Variants in HTR7 observed in about 807,000 individuals in gnomAD.
HTR7 encodes the protein 5-hydroxytryptamine receptor 7.
A neutral mutation model predicts 34.0 loss-of-function variants in HTR7; 16 were observed. The ratio of observed to expected loss-of-function variants is 0.47; its 90% CI spans 0.32 to 0.71. HTR7 has a LOEUF of 0.71. Ranked by LOEUF, HTR7 falls within the 30% of genes least tolerant of loss-of-function variation. The pLI is 0.04. For synonymous variants in HTR7, 265 were observed against 260.2 expected, an observed-to-expected ratio of 1.02 and a Z score of -0.18; for missense variants, 504 against 625.5, an observed-to-expected ratio of 0.81 and a Z score of 2.07.
intron 1 of HTR7, among the ~76,000 whole-genome samples, chr10:90,856,055 T>C (rs1236485984): frequency 6.6e-6 from 1 of 152,144 alleles, no homozygotes; most frequent in Non-Finnish European, 1.5e-5. Flanking sequence ...TTTGAGGCAC[T>C]GTCATTTTAA....
chr10:90,743,580 C>T lies in HTR7; in HGVS notation c.1393+13G>A. ...AGCACTATCTCCAAAGTCTCCCTTT[C>T]CTTGCTACCCACCTGCTAACCAATT... On this transcript the variant is annotated intron_variant, in intron 3 of 3. Transcript: ENST00000336152. 6.2e-7 allele frequency: 1 copy of T among 1,603,288 alleles called. No individual in the cohort carries two copies. Among genetic ancestry groups the T allele is most frequent in the Non-Finnish European group, 8.5e-7 (1 of 1,170,214 alleles).
intron 1 of HTR7, among the ~76,000 whole-genome samples, chr10:90,798,156 G>T (rs1294683766): frequency 1.3e-5 from 2 of 152,080 alleles, no homozygotes; most frequent in Non-Finnish European, 2.9e-5. Context: ...TTTAAAGAAG[G>T]CTAAAAAAAT....
chr10:90,760,788 G>A (rs1266810990), intron 1 of HTR7, among the ~76,000 whole-genome samples: 2 of 152,124 alleles, frequency 1.3e-5, no homozygotes, highest in African/African-American at 4.8e-5. Context: ...GGCTGAGGAG[G>A]GAGAATTGCT....
Position 90,743,657 on chromosome 10 carries a change from T to C in HTR7, c.1329A>G (p.Pro443=), listed in dbSNP as rs1268079443. The change falls in exon 3 of 4, where the codon CCA becomes CCG. Residue 443 remains proline, a synonymous_variant. Coordinates refer to ENST00000336152, the MANE Select transcript of HTR7 (RefSeq NM_019859.4). ...ACACAGATACCGGTGGCCTCTTTTC[T>C]GGTCTCAACAGCACCCTCCTTGTGC... The part of the protein sequence containing the change: ...RACTRRVLLR[P]EKRPPVSVWV... 2.5e-6 allele frequency: 4 copies of C among 1,613,894 alleles called. No individual in the cohort carries two copies. Among genetic ancestry groups the C allele is most frequent in the Non-Finnish European group, 3.4e-6 (4 of 1,179,892 alleles).
chr10:90,747,156 C>T (rs1382267452), intron 2 of HTR7, among the ~76,000 whole-genome samples: 1 of 152,076 alleles, frequency 6.6e-6, no homozygotes, highest in Non-Finnish European at 1.5e-5. Flanking sequence ...AGTGGGGATG[C>T]TAGAAGCACC....
At chr10:90,852,202 T>TAAAAAAAAAAAAAAAAA (rs60371298) in intron 1 of HTR7, among the ~76,000 whole-genome samples, 1 of 135,252 alleles carries the variant, frequency 7.4e-6, no homozygotes, top group African/African-American at 2.8e-5. Flanking sequence ...TTATGTGAAG[T>TAAAAAAAAAAAAAAAAA]AAAAAAAAAA....
intron 1 of HTR7, among the ~76,000 whole-genome samples, chr10:90,751,698 A>C (rs1844741014): frequency 6.6e-6 from 1 of 152,196 alleles, no homozygotes; most frequent in South Asian, 2.1e-4. Flanking sequence ...AATTATGACA[A>C]AAAAGGTTGT....
chr10:90,744,751 A>T (rs944650519), intron 2 of HTR7, among the ~76,000 whole-genome samples: 6 of 152,184 alleles, frequency 3.9e-5, no homozygotes, highest in African/African-American at 1.4e-4. Flanking sequence ...ATTACTCCTG[A>T]TTAAGAACCA....
chr10:90,771,275 G>A (rs35956066), intron 1 of HTR7, among the ~76,000 whole-genome samples: 31,467 of 152,152 alleles, frequency 0.21, 3,917 homozygotes, highest in African/African-American at 0.34. Flanking sequence ...GCTCCTCTTC[G>A]TCTTGCTCAC....
At chr10:90,803,670 G>A (rs538253377) in intron 1 of HTR7, among the ~76,000 whole-genome samples, 3 of 152,188 alleles carry the variant, frequency 2.0e-5, no homozygotes, top group Non-Finnish European at 4.4e-5. Flanking sequence ...ATGGTTGCCT[G>A]ACATTCCTGG....
intron 1 of HTR7, among the ~76,000 whole-genome samples, chr10:90,767,257 G>A (rs1845039662): frequency 6.6e-6 from 1 of 152,110 alleles, no homozygotes. Context: ...GGGGCCTAGG[G>A]GTAAACCCTA....
chr10:90,840,948 T>C (rs542763642), intron 1 of HTR7, among the ~76,000 whole-genome samples: 51 of 152,360 alleles, frequency 3.3e-4, no homozygotes, highest in South Asian at 1.0e-3. Flanking sequence ...AACTTGTTCA[T>C]CCTTATCCCC....
chr10:90,823,677 T>A (rs903556881), intron 1 of HTR7, among the ~76,000 whole-genome samples: 4 of 152,186 alleles, frequency 2.6e-5, no homozygotes, highest in East Asian at 1.9e-4. Flanking sequence ...AGCAGAATGA[T>A]AGAGTTTGGC....
intron 1 of HTR7, among the ~76,000 whole-genome samples, chr10:90,767,913 A>G (rs1183755028): frequency 3.6e-4 from 55 of 152,076 alleles, no homozygotes; most frequent in Non-Finnish European, 5.9e-5. Flanking sequence ...CCCAGCCAAG[A>G]CTTCCCCTTG....
intron 1 of HTR7, among the ~76,000 whole-genome samples, chr10:90,810,496 C>T (rs1845788859): frequency 7.0e-6 from 1 of 142,400 alleles, no homozygotes; most frequent in Non-Finnish European, 1.5e-5. Context: ...AGCCTATAAA[C>T]TCTCCTTACA....
intron 1 of HTR7, among the ~76,000 whole-genome samples, chr10:90,827,689 T>C (rs1846099622): frequency 1.3e-5 from 2 of 152,168 alleles, no homozygotes. Context: ...ATAACAATTG[T>C]AAATACATAT....
chr10:90,827,165 C>A (rs1399441757), intron 1 of HTR7, among the ~76,000 whole-genome samples: 1 of 151,830 alleles, frequency 6.6e-6, no homozygotes, highest in Admixed American at 6.6e-5. Context: ...CACAAAACAA[C>A]CAGAAAATAA....
chr10:90,830,003 T>G (rs188030257), intron 1 of HTR7, among the ~76,000 whole-genome samples: 1 of 152,350 alleles, frequency 6.6e-6, no homozygotes, highest in East Asian at 1.9e-4. Context: ...AATGTCCATA[T>G]TAACCAAAGA....
At chr10:90,808,581 T>C (rs1761048567) in intron 1 of HTR7, among the ~76,000 whole-genome samples, 1 of 152,056 alleles carries the variant, frequency 6.6e-6, no homozygotes, top group South Asian at 2.1e-4. Context: ...CTTATTTCCA[T>C]GCCCCGACCT....
Sources: gnomAD v4.1 joint callset for allele counts (sites outside exome capture counted in the v4.1 genomes callset) on GRCh38, gnomAD v4.1.1 for gene constraint, MANE v1.5 for transcripts, NCBI Gene and HGNC (gene_info 2026-07-23, HGNC 2026-07-21) for gene names.